ZNF676: variants seen among roughly 807,000 people sequenced by gnomAD.
The protein encoded by ZNF676 is zinc finger protein 676.
Under a neutral mutation model 6.0 loss-of-function variants are expected in ZNF676, and 4 were observed. The ratio of observed to expected loss-of-function variants is 0.67; its 90% CI spans 0.33 to 1.53. The LOEUF (loss-of-function observed/expected upper bound fraction) is 1.53, where lower values mean the gene tolerates loss of function less well. Ranked by LOEUF, ZNF676 falls within the 40% of genes most tolerant of loss-of-function variation. The pLI is 0.06. For synonymous variants in ZNF676, 198 were observed against 223.1 expected, an observed-to-expected ratio of 0.89 and a Z score of 1.00; for missense variants, 644 against 679.7, an observed-to-expected ratio of 0.95 and a Z score of 0.58.
At chr19:22,182,100 C>A (rs1234413052) in intron 2 of ZNF676, among the ~76,000 whole-genome samples, 3 of 152,104 alleles carry the variant, frequency 2.0e-5, no homozygotes, top group African/African-American at 7.2e-5. Flanking sequence ...GGTAAATGCA[C>A]TGCAGCAGAG....
chr19:22,180,390 G>A lies in ZNF676; in HGVS notation c.1327C>T (p.His443Tyr). Residue 443 changes from histidine to tyrosine, a missense_variant, in exon 3 of 3, where the codon CAT becomes TAT. Transcript: ENST00000397121. Reference sequence around the variant, plus strand: ...CATTTGTAGGGTTTCTCTCCAGCATGAATTCTCTTGTGTTCAGTAAGGCTT... The same window carrying A: ...CATTTGTAGGGTTTCTCTCCAGCATAAATTCTCTTGTGTTCAGTAAGGCTT... ...SSSLTEHKRI[H>Y]AGEKPYKCEE... is the part of the protein sequence containing the mutation. The A allele has an allele frequency of 2.5e-6, 4 of 1,613,808 alleles. No homozygotes were observed. The highest frequency in any genetic ancestry group is 3.4e-6 in the Non-Finnish European group (4 of 1,179,910).
chr19:22,186,150 A>G (rs1477543262), intron 2 of ZNF676, among the ~76,000 whole-genome samples: 1 of 152,232 alleles, frequency 6.6e-6, no homozygotes. Context: ...GGTTACCCAC[A>G]AAGCAAAGCC....
chr19:22,216,343 G>A (rs1369322627), upstream of ZNF676, among the ~76,000 whole-genome samples: 1 of 152,042 alleles, frequency 6.6e-6, no homozygotes, highest in African/African-American at 2.4e-5. Context: ...GCTGAGGCAG[G>A]AGAATCATTT....
the ZNF676 span, among the ~76,000 whole-genome samples, chr19:22,233,338 T>C: frequency 9.9e-5 from 15 of 151,886 alleles, no homozygotes; most frequent in Admixed American, 4.6e-4. Flanking sequence ...AGGTTTTTTT[T>C]CTGAAAATTT....
chr19:22,234,388 C>T, the ZNF676 span, among the ~76,000 whole-genome samples: 1 of 152,148 alleles, frequency 6.6e-6, no homozygotes, highest in Non-Finnish European at 1.5e-5. Context: ...CTTACTTGTG[C>T]CTTCAGAACC....
At position 22,202,282 on chromosome 19, in the gene ZNF676, GA is replaced by G. The variant is rs542409001; in HGVS notation, c.4-5557del. Among the ~76,000 whole-genome samples the G allele has an allele frequency of 8.6e-4, 131 of 152,138 alleles. 1 individual carries two copies. The highest frequency in any genetic ancestry group is 1.8e-3 in the Admixed American group (27 of 15,270). ...TTCAGGTCTGAAGACACAAGTCATT[GA>G]AAGAGGTAAAACGGTTAATATCTGA... On this transcript the variant is annotated intron_variant, in intron 1 of 3. Coordinates refer to the ZNF676 transcript ENST00000650058.
chr19:22,223,981 T>C, the ZNF676 span, among the ~76,000 whole-genome samples: 4 of 151,714 alleles, frequency 2.6e-5, no homozygotes, highest in Non-Finnish European at 5.9e-5. Flanking sequence ...AACGATGAAA[T>C]TTACCTCTAG....
chr19:22,180,214 T>C lies in ZNF676; in HGVS notation c.1503A>G (p.Gly501=), dbSNP rs2023713006. The C allele has an allele frequency of 1.2e-6, 2 of 1,613,824 alleles. No individual in the cohort carries two copies. Among genetic ancestry groups the C allele is most frequent in the African/African-American group, 1.3e-5 (1 of 75,042 alleles). ...ATTCTTCACATTTGTAGCGTTTCTC[T>C]CCAGTATGAATTATCTTATGTTTAG... The part of the protein sequence containing the change: ...ILTKHKIIHT[G]EKRYKCEECG... The change falls in exon 3 of 3, where the codon GGA becomes GGG. Residue 501 remains glycine, a synonymous_variant. Transcript: ENST00000397121.
chr19:22,184,299 G>A (rs996564123), intron 2 of ZNF676, among the ~76,000 whole-genome samples: 3 of 152,070 alleles, frequency 2.0e-5, no homozygotes, highest in Non-Finnish European at 4.4e-5. Context: ...TTTAGGGACT[G>A]TACCATAAAG....
At chr19:22,211,036 A>G (rs2024124663) in intron 1 of ZNF676, among the ~76,000 whole-genome samples, 1 of 151,072 alleles carries the variant, frequency 6.6e-6, no homozygotes, top group African/African-American at 2.4e-5. Context: ...CCTAATCTTT[A>G]TAATCCTTAA....
chr19:22,179,817 T>G lies in ZNF676; in HGVS notation c.*133A>C, dbSNP rs374299035. On this transcript the variant is annotated 3_prime_UTR_variant, in exon 3 of 3. Transcript: ENST00000397121. ...TCTCTCCAGCATGAATTTTCTTATG[T>G]GTAATAAAGATTGAGGACTGTTTAA... is the stretch of plus-strand genomic sequence containing the variant. The G allele has an allele frequency of 6.7e-6, 7 of 1,047,566 alleles. No homozygotes were observed. The South Asian group carries it at 9.6e-5, about 14-fold the overall frequency. The allele number at this position is 1,047,566 out of a possible 1,614,324, so 64.9% of individuals were successfully genotyped here. A position where few individuals can be genotyped will look rare whatever the true frequency, so the allele number is the denominator to read the frequency against.
At chr19:22,201,479 T>C (rs931124706), upstream of ZNF676, among the ~76,000 whole-genome samples, 3 of 152,232 alleles carry the variant, frequency 2.0e-5, no homozygotes, top group African/African-American at 7.2e-5. Context: ...TTACAAATTC[T>C]AGGTGAAATC....
the ZNF676 span, among the ~76,000 whole-genome samples, chr19:22,242,274 G>C: frequency 1.3e-5 from 2 of 151,872 alleles, no homozygotes; most frequent in African/African-American, 2.4e-5. Context: ...TGAGGCCAGG[G>C]ACCAGGGATA....
chr19:22,207,690 C>T (rs2024089338), intron 1 of ZNF676, among the ~76,000 whole-genome samples: 1 of 152,170 alleles, frequency 6.6e-6, no homozygotes, highest in Non-Finnish European at 1.5e-5. Flanking sequence ...TACCTGACTT[C>T]AAACTACACA....
At chr19:22,219,964 T>C (rs548820824), upstream of ZNF676, among the ~76,000 whole-genome samples, 6 of 152,298 alleles carry the variant, frequency 3.9e-5, no homozygotes, top group Admixed American at 2.6e-4. Flanking sequence ...CTGTCATAGA[T>C]GGTTTTTATG....
chr19:22,207,698 A>G (rs545332766), intron 1 of ZNF676, among the ~76,000 whole-genome samples: 1 of 152,344 alleles, frequency 6.6e-6, no homozygotes, highest in African/African-American at 2.4e-5. Context: ...TTCAAACTAC[A>G]CAACAGTGCT....
chr19:22,241,274 A>G, the ZNF676 span, among the ~76,000 whole-genome samples: 2 of 152,056 alleles, frequency 1.3e-5, no homozygotes, highest in East Asian at 1.9e-4. Flanking sequence ...TTCAGGTATG[A>G]GAGTCAACAC....
At chr19:22,258,714 G>A in the ZNF676 span, among the ~76,000 whole-genome samples, 1 of 152,112 alleles carries the variant, frequency 6.6e-6, no homozygotes, top group African/African-American at 2.4e-5. Context: ...TGGGTGCAGT[G>A]ATATGTCACA....
rs113832043 is a variant in ZNF676 at position 22,188,658 on chromosome 19, C to T, written c.130+4358G>A. On this transcript the variant is annotated intron_variant, in intron 2 of 2. Coordinates refer to ENST00000397121, the MANE Select transcript of ZNF676 (RefSeq NM_001001411.3). ...TACCTAAGCTGATAAGCAACTTCAG[C>T]AAAGTCTCAGGATAGAAAATCAATG... Among the ~76,000 whole-genome samples the T allele has an allele frequency of 5.3e-3, 811 of 152,278 alleles. 5 individuals are homozygous for T. Among genetic ancestry groups the T allele is most frequent in the African/African-American group, 0.018 (768 of 41,560 alleles).
Sources: allele counts gnomAD v4.1 joint callset (sites outside exome capture counted in the v4.1 genomes callset), GRCh38; gene constraint gnomAD v4.1.1; transcripts MANE v1.5; gene names NCBI Gene and HGNC (gene_info 2026-07-23, HGNC 2026-07-21).